Variants in TTC17 observed in about 807,000 individuals in gnomAD.
TTC17 encodes tetratricopeptide repeat domain 17.
A neutral mutation model predicts 143.8 loss-of-function variants in TTC17; 58 were observed. That is an observed-to-expected ratio of 0.40 (90% CI 0.33 to 0.50). The LOEUF is 0.50. Among genes scored for constraint, TTC17 ranks in the 20% least tolerant of loss-of-function variants. TTC17 has a pLI of 0.49. For synonymous variants in TTC17, 501 were observed against 497.8 expected, an observed-to-expected ratio of 1.01 and a Z score of -0.09; for missense variants, 1,273 against 1,392.5, an observed-to-expected ratio of 0.91 and a Z score of 1.37.
intron 18 of TTC17, among the ~76,000 whole-genome samples, chr11:43,444,899 GC>G (rs1381795058): frequency 1.3e-4 from 20 of 152,126 alleles, no homozygotes; most frequent in African/African-American, 4.6e-4. Flanking sequence ...AGTGAATTTT[GC>G]GGCAGTCTGA....
At chr11:43,389,894 T>A in intron 3 of TTC17, 73 bp downstream of exon 3, 1 of 1,382,876 alleles carries the variant, frequency 7.2e-7, no homozygotes, top group South Asian at 1.4e-5. Context: ...TAAGAAATTA[T>A]TTCTGTAATA....
intron 15 of TTC17, among the ~76,000 whole-genome samples, chr11:43,411,833 T>C (rs1858427161): frequency 6.6e-6 from 1 of 152,226 alleles, no homozygotes; most frequent in African/African-American, 2.4e-5. Context: ...TCTGAGCTGC[T>C]TAGGTTAGAC....
At chr11:43,491,784 T>C (rs1169744346) in intron 22 of TTC17, 3 of 536,908 alleles carry the variant, frequency 5.6e-6, no homozygotes, top group Admixed American at 3.3e-5. Context: ...AGCTGACATT[T>C]TGTTGTGTTT....
chr11:43,462,467 A>G (rs980372474), intron 21 of TTC17, among the ~76,000 whole-genome samples: 1 of 152,230 alleles, frequency 6.6e-6, no homozygotes, highest in Admixed American at 6.5e-5. Flanking sequence ...CCACAAGCCA[A>G]GGAATGCCAG....
chr11:43,383,141 C>T (rs1857037178), intron 2 of TTC17, among the ~76,000 whole-genome samples: 1 of 152,106 alleles, frequency 6.6e-6, no homozygotes, highest in Admixed American at 6.5e-5. Flanking sequence ...AAGCAGTCCT[C>T]CCACCTTGGG....
chr11:43,469,594 CA>C (rs1239053638), intron 21 of TTC17, among the ~76,000 whole-genome samples: 3 of 151,862 alleles, frequency 2.0e-5, no homozygotes, highest in South Asian at 4.2e-4. Context: ...AAGTTGGTAA[CA>C]AAAAAATGCA....
chr11:43,397,303 C>G, intron 6 of TTC17, 44 bp from the exon 7 acceptor site: 2 of 1,559,294 alleles, frequency 1.3e-6, no homozygotes, highest in East Asian at 2.3e-5. Context: ...TTTTCCTTGT[C>G]AAGTGGTTCT....
chr11:43,367,558 G>A (rs543097415), intron 1 of TTC17, among the ~76,000 whole-genome samples: 14 of 152,152 alleles, frequency 9.2e-5, no homozygotes, highest in African/African-American at 2.4e-4. Context: ...AACAGAAGGC[G>A]CTCTGATAGT....
chr11:43,470,637 T>A (rs1488356560), intron 21 of TTC17, among the ~76,000 whole-genome samples: 1 of 152,256 alleles, frequency 6.6e-6, no homozygotes, highest in Admixed American at 6.5e-5. Flanking sequence ...TCATCCAACA[T>A]TGTTTTCCAT....
intron 16 of TTC17, among the ~76,000 whole-genome samples, chr11:43,437,469 C>T (rs1367464087): frequency 6.6e-6 from 1 of 152,126 alleles, no homozygotes; most frequent in African/African-American, 2.4e-5. Flanking sequence ...ATTTTAAAGG[C>T]GGAAACAACC....
chr11:43,371,019 G>A (rs1856548246), intron 1 of TTC17, among the ~76,000 whole-genome samples: 1 of 110,912 alleles, frequency 9.0e-6, no homozygotes, highest in Non-Finnish European at 2.1e-5. Context: ...TCGGGGAGGG[G>A]AGGTGGGGGG....
At chr11:43,379,103 T>G in intron 1 of TTC17, 130 bp from the exon 2 acceptor site, 5 of 842,642 alleles carry the variant, frequency 5.9e-6, no homozygotes, top group East Asian at 2.5e-5. Flanking sequence ...AAATACTCCT[T>G]GAGTTTTGCT....
chr11:43,474,602 A>G (rs1948151528), intron 21 of TTC17, among the ~76,000 whole-genome samples: 1 of 152,210 alleles, frequency 6.6e-6, no homozygotes, highest in South Asian at 2.1e-4. Context: ...AAGGGGAATT[A>G]TCAAGAGGAA....
intron 19 of TTC17, among the ~76,000 whole-genome samples, chr11:43,448,421 G>A (rs1489562526): frequency 6.6e-6 from 1 of 152,116 alleles, no homozygotes; most frequent in South Asian, 2.1e-4. Context: ...AAAACCCATG[G>A]TTTGTCATGA....
At chr11:43,359,288 C>T (rs1855994764) in intron 1 of TTC17, 175 bp downstream of exon 1, 1 of 757,484 alleles carries the variant, frequency 1.3e-6, no homozygotes, top group Middle Eastern at 4.0e-4. Flanking sequence ...CTTCCCGCTC[C>T]CCACTTGTCT....
intron 1 of TTC17, among the ~76,000 whole-genome samples, chr11:43,363,962 G>A (rs1215677478): frequency 6.6e-6 from 1 of 152,076 alleles, no homozygotes; most frequent in African/African-American, 2.4e-5. Flanking sequence ...GGTGTGGAAG[G>A]GTCCTAAATA....
chr11:43,492,063 A>G lies in TTC17; in HGVS notation c.3194A>G (p.Lys1065Arg), dbSNP rs1197378278. The change falls in exon 23 of 24, where the codon AAG (lysine) becomes AGG (arginine). Residue 1065 changes from lysine to arginine, a missense_variant. By Grantham distance (26) the Lys-to-Arg change is conservative (BLOSUM62 2). Coordinates refer to ENST00000039989, the MANE Select transcript of TTC17 (RefSeq NM_018259.6). ...ISLANILHNA[K>R]LWNDAVIVAT... ...CTGGCCAACATCTTGCACAATGCCA[A>G]GCTCTGGAATGACGCCGTCATAGTA... 2 of 1,614,000 alleles carry G rather than the reference A, an allele frequency of 1.2e-6. No individual in the cohort carries two copies. Among genetic ancestry groups the G allele is most frequent in the South Asian group, 1.1e-5 (1 of 91,088 alleles).
Position 43,407,163 on chromosome 11 carries a change from A to G in TTC17, c.1787A>G (p.Tyr596Cys), listed in dbSNP as rs147427031. 5.0e-6 allele frequency: 8 copies of G among 1,597,630 alleles called. No individual in the cohort carries two copies. Among genetic ancestry groups the G allele is most frequent in the African/African-American group, 2.7e-5 (2 of 74,000 alleles). Residue 596 changes from tyrosine to cysteine, a missense_variant, in exon 14 of 24, where the codon TAT becomes TGT. This residue lies in a region of TTC17 where 878 missense variants were observed against 899.8 expected (regional missense o/e 0.98). Coordinates refer to ENST00000039989, the MANE Select transcript of TTC17 (RefSeq NM_018259.6). Reference sequence around the variant, plus strand: ...ATTTTGCTTTCCCGTATTAATAACTATACTATCCCAGAAGAAGAAATTGGG... The same window carrying G: ...ATTTTGCTTTCCCGTATTAATAACTGTACTATCCCAGAAGAAGAAATTGGG... Reference protein sequence around the residue: ...RKILLSRINNYTIPEEEIGSF... With the variant: ...RKILLSRINNCTIPEEEIGSF...
intron 3 of TTC17, among the ~76,000 whole-genome samples, chr11:43,391,126 C>CA (rs74350640): frequency 0.18 from 27,199 of 152,154 alleles, 3,015 homozygotes; most frequent in Non-Finnish European, 0.24. Context: ...TGACTGAGCA[C>CA]AGTGGTTTAC....
Sources: gnomAD v4.1 joint callset for allele counts (sites outside exome capture counted in the v4.1 genomes callset) on GRCh38, gnomAD v4.1.1 for gene constraint, gnomAD v4.1.1 regional missense constraint, MANE v1.5 for transcripts, NCBI Gene and HGNC (gene_info 2026-07-23, HGNC 2026-07-21) for gene names.